The following ZNF44 variants were observed in gnomAD, a reference collection of about 807,000 sequenced individuals.
ZNF44 encodes gonadotropin inducible transcription repressor-2.
A neutral mutation model predicts 11.7 loss-of-function variants in ZNF44; 9 were observed. The observed-to-expected ratio is 0.77, with a 90% CI of 0.46 to 1.35. The LOEUF (loss-of-function observed/expected upper bound fraction) is 1.35. Among genes scored for constraint, ZNF44 ranks in the 40% most tolerant of loss-of-function variants. The probability of loss-of-function intolerance (pLI) is 0.00; values close to 1 mark genes in which losing one functional copy is unlikely to be tolerated. For missense variants in ZNF44, 696 were observed against 743.1 expected, an observed-to-expected ratio of 0.94 and a Z score of 0.74; for synonymous variants, 224 against 242.7, an observed-to-expected ratio of 0.92 and a Z score of 0.72.
At chr19:12,240,197 A>ACTT (rs1010523833), upstream of ZNF44, among the ~76,000 whole-genome samples, 5 of 152,144 alleles carry the variant, frequency 3.3e-5, no homozygotes, top group African/African-American at 1.2e-4. Flanking sequence ...TAATCCCAGC[A>ACTT]CTTTGGGAGG....
intron 1 of ZNF44, among the ~76,000 whole-genome samples, chr19:12,291,882 T>A (rs1968021756): frequency 6.7e-6 from 1 of 149,538 alleles, no homozygotes; most frequent in South Asian, 2.1e-4. Flanking sequence ...ATCCCAGCTA[T>A]TCGGGAGGCT....
intron 5 of ZNF44, among the ~76,000 whole-genome samples, chr19:12,265,366 G>C (rs1917688235): frequency 6.6e-6 from 1 of 151,734 alleles, no homozygotes; most frequent in African/African-American, 2.4e-5. Flanking sequence ...GCCTCAGCGA[G>C]AGGGAGACAC....
intron 2 of ZNF44, 42 bp from the exon 3 acceptor site, chr19:12,275,075 A>G: frequency 7.0e-7 from 1 of 1,435,322 alleles, no homozygotes; most frequent in Non-Finnish European, 9.5e-7. Context: ...ATTATTACAA[A>G]ATGATACAAA....
chr19:12,276,539 G>T (rs1027040734), intron 1 of ZNF44, among the ~76,000 whole-genome samples: 1 of 152,172 alleles, frequency 6.6e-6, no homozygotes, highest in Non-Finnish European at 1.5e-5. Context: ...ACTAATAAAG[G>T]GGGTGGAGTG....
chr19:12,248,121 T>C (rs1916830953), exon 8 of ZNF44: 3 of 1,304,800 alleles, frequency 2.3e-6, no homozygotes, highest in East Asian at 5.4e-5. Flanking sequence ...ATAGCGTTTC[T>C]GTACAGTGTG....
chr19:12,260,431 G>T, intron 5 of ZNF44: 3 of 1,434,604 alleles, frequency 2.1e-6, no homozygotes, highest in Non-Finnish European at 1.9e-6. Flanking sequence ...AACAAGTACC[G>T]CCCCGACCTG....
intron 1 of ZNF44, among the ~76,000 whole-genome samples, chr19:12,276,651 A>C (rs1967233727): frequency 6.6e-6 from 1 of 152,316 alleles, no homozygotes; most frequent in African/African-American, 2.4e-5. Context: ...AAGTGTACCC[A>C]ATCAGCCACT....
At chr19:12,288,321 G>C (rs938639409) in intron 1 of ZNF44, among the ~76,000 whole-genome samples, 4 of 152,144 alleles carry the variant, frequency 2.6e-5, no homozygotes, top group Non-Finnish European at 5.9e-5. Context: ...CTAAATGGAA[G>C]ACATATGTCA....
At position 12,266,399 on chromosome 19, in the gene ZNF44, G is replaced by C. The variant is rs1196515721; in HGVS notation, c.1912+6088C>G. The C allele has an allele frequency of 8.4e-6, 8 of 953,258 alleles. No individual in the cohort carries two copies. In the South Asian group the frequency reaches 3.4e-4, roughly 40 times the overall value. The allele number at this position is 953,258 out of a possible 1,614,324, so 59.0% of individuals were successfully genotyped here. ...CTTTCAGAGAAGCCGAGAGCGACCC[G>C]AGGGCGCCAAGGCGAGAGGGAAAAA... On this transcript the variant is annotated intron_variant and NMD_transcript_variant, in intron 5 of 7. Coordinates refer to the ZNF44 transcript ENST00000393337.
chr19:12,266,433 A>T (rs1917730942), intron 5 of ZNF44: 1 of 706,026 alleles, frequency 1.4e-6, no homozygotes, highest in Non-Finnish European at 1.7e-6. Context: ...AAAAACCCAA[A>T]CCCACGGGCT....
At chr19:12,251,881 GTC>G (rs1443736663) in intron 5 of ZNF44, among the ~76,000 whole-genome samples, 1 of 151,864 alleles carries the variant, frequency 6.6e-6, no homozygotes, top group Non-Finnish European at 1.5e-5. Flanking sequence ...GAGAAACCCT[GTC>G]TCTACTAATA....
chr19:12,287,294 A>ATCCACT (rs1425517342), intron 1 of ZNF44, among the ~76,000 whole-genome samples: 12 of 151,806 alleles, frequency 7.9e-5, no homozygotes, highest in African/African-American at 2.9e-4. Context: ...CACCCACTGC[A>ATCCACT]GCCTCCGCCT....
rs1185301175 is a variant in ZNF44 at position 12,273,010 on chromosome 19, G to GT, written c.1244dup (p.His415GlnfsTer8). On this transcript the variant is annotated frameshift_variant, in exon 4 of 4. Coordinates refer to ENST00000355684, the MANE Select transcript of ZNF44 (RefSeq NM_016264.4). LOFTEE classifies it low-confidence loss of function (END_TRUNC). ...TGCATTCATAGGGTTTCTCTCCAGT[G>GT]TGAGTCCTTTCATGTCTTTGAAATA... The GT allele has an allele frequency of 1.2e-6, 2 of 1,614,020 alleles. No individual in the cohort carries two copies. The highest frequency in any genetic ancestry group is 2.7e-5 in the African/African-American group (2 of 74,928).
chr19:12,272,453 C>A lies in ZNF44; in HGVS notation c.1802G>T (p.Ser601Ile), dbSNP rs753083485. The change falls in exon 4 of 4, where the codon AGT becomes ATT. Residue 601 changes from serine to isoleucine, a missense_variant. Physicochemically the swap from Ser to Ile is moderately radical, Grantham distance 142. Transcript: ENST00000355684. ...KECGKAFSSL[S>I]SFNRHKRTHW... ...TGTCCTTTTATGTCTATTAAAGGAA[C>A]TGAGAGAACTGAAGGCTTTCCCACA... 3 of 1,586,646 alleles carry A rather than the reference C, an allele frequency of 1.9e-6. No individual in the cohort carries two copies. Among genetic ancestry groups the A allele is most frequent in the East Asian group, 4.5e-5 (2 of 44,726 alleles).
chr19:12,250,654 T>G, intron 5 of ZNF44: 1 of 406,636 alleles, frequency 2.5e-6, no homozygotes, highest in Non-Finnish European at 4.9e-6. Context: ...AAATTCCATT[T>G]TAAGACCATC....
intron 1 of ZNF44, 40 bp downstream of exon 1, chr19:12,294,652 C>T (rs985227586): frequency 2.1e-5 from 33 of 1,553,048 alleles, no homozygotes; most frequent in Middle Eastern, 1.7e-4. Flanking sequence ...TCCGACCAGC[C>T]CTTCGCCCTG....
chr19:12,253,251 G>A (rs1917099874), intron 5 of ZNF44, among the ~76,000 whole-genome samples: 1 of 145,356 alleles, frequency 6.9e-6, no homozygotes. Flanking sequence ...GTGCAGAGGT[G>A]TGGTCTCAGC....
At chr19:12,260,289 G>A (rs1917450191) in intron 5 of ZNF44, 4 of 851,114 alleles carry the variant, frequency 4.7e-6, no homozygotes, top group Admixed American at 3.5e-5. Context: ...GCCGGCAGCC[G>A]AGGACAAAGG....
At chr19:12,265,080 A>T (rs773472661) in intron 5 of ZNF44, among the ~76,000 whole-genome samples, 1 of 152,248 alleles carries the variant, frequency 6.6e-6, no homozygotes, top group Admixed American at 6.5e-5. Flanking sequence ...GAAATCAACC[A>T]AAAGAAAAAA....
Sources: gnomAD v4.1 joint callset for allele counts (sites outside exome capture counted in the v4.1 genomes callset) on GRCh38, gnomAD v4.1.1 for gene constraint, MANE v1.5 for transcripts, NCBI Gene and HGNC (gene_info 2026-07-23, HGNC 2026-07-21) for gene names.